Variants in GOT1 observed in about 807,000 individuals in gnomAD.
GOT1 encodes aspartate aminotransferase, cytoplasmic.
A neutral mutation model predicts 48.2 loss-of-function variants in GOT1; 25 were observed. The ratio of observed to expected loss-of-function variants is 0.52; its 90% confidence interval spans 0.38 to 0.72. GOT1 has a LOEUF of 0.72. GOT1 is among the 30% of genes least tolerant of loss of function. The pLI is 0.00. For missense variants in GOT1, 380 were observed against 520.1 expected, an observed-to-expected ratio of 0.73 and a Z score of 2.62; for synonymous variants, 188 against 193.8, an observed-to-expected ratio of 0.97 and a Z score of 0.25.
At position 99,403,706 on chromosome 10, in the gene GOT1, C is replaced by T; in HGVS notation, c.793+18G>A. ...GATGCGAGGAGGTGGGGCTGTAACT[C>T]CTCAGGAGAGCACTCACTGTAGAGC... On this transcript the variant is annotated intron_variant, in intron 6 of 8. Coordinates refer to ENST00000370508, the MANE Select transcript of GOT1 (RefSeq NM_002079.3). 1 of 1,614,144 alleles carries T rather than the reference C, an allele frequency of 6.2e-7. No individual in the cohort carries two copies. Among genetic ancestry groups the T allele is most frequent in the Non-Finnish European group, 8.5e-7 (1 of 1,180,016 alleles).
chr10:99,404,606 G>A (rs988854582), intron 5 of GOT1, among the ~76,000 whole-genome samples: 11 of 152,032 alleles, frequency 7.2e-5, no homozygotes, highest in African/African-American at 2.7e-4. Context: ...CTGGGCTATG[G>A]CAATGGTCTC....
chr10:99,411,684 C>T (rs564210083), intron 2 of GOT1, among the ~76,000 whole-genome samples: 6 of 152,162 alleles, frequency 3.9e-5, no homozygotes, highest in Admixed American at 1.3e-4. Context: ...TTCCTCTCCC[C>T]GAAACTGAAT....
Position 99,420,753 on chromosome 10 carries a change from C to T in GOT1, c.171G>A (p.Val57=), listed in dbSNP as rs766116233. Reference sequence around the variant, plus strand: ...TATTGTCATTAGCAATCTTCTGCTCCACTTTCTTCACTACTGGCAAAACCC... The same window carrying T: ...TATTGTCATTAGCAATCTTCTGCTCTACTTTCTTCACTACTGGCAAAACCC... ...HPWVLPVVKK[V]EQKIANDNSL... is the part of the protein sequence containing the mutation. Residue 57 remains valine, a synonymous_variant, in exon 2 of 9, where the codon GTG becomes GTA. Coordinates refer to ENST00000370508, the MANE Select transcript of GOT1 (RefSeq NM_002079.3). 4.3e-6 allele frequency: 7 copies of T among 1,614,048 alleles called. No individual in the cohort carries two copies. In the East Asian group the frequency reaches 1.6e-4, roughly 36 times the overall value.
chr10:99,403,588 G>A lies in GOT1; in HGVS notation c.840C>T (p.Ser280=). The A allele has an allele frequency of 6.2e-7, 1 of 1,614,056 alleles. No homozygotes were observed. The highest frequency in any genetic ancestry group is 8.5e-7 in the Non-Finnish European group (1 of 1,179,912). ...CCATCTGGGAAAGGACTTGCAGGAT[G>A]CTCTCAGGTTCTTTTCCAACCACAG... ...NLTVVGKEPE[S]ILQVLSQMEK... The change falls in exon 7 of 9, where the codon AGC becomes AGT. Residue 280 remains serine (S), a synonymous_variant. Transcript: ENST00000370508.
At position 99,397,767 on chromosome 10, in the gene GOT1, A is replaced by G; in HGVS notation, c.1103-81T>C. On this transcript the variant is annotated intron_variant, in intron 8 of 8. Transcript: ENST00000370508. This position sits in a 1 kb window ranked among gnomAD's most constrained non-coding sequence, Gnocchi z 5.4. ...GAGGCTCAGCAATTATATGACAATT[A>G]CAGCTTTACTTCTTTCCCCTTAACA... 7.5e-7 allele frequency: 1 copy of G among 1,331,964 alleles called. No homozygotes were observed. The highest frequency in any genetic ancestry group is 1.1e-6 in the Non-Finnish European group (1 of 934,122). The allele number at this position is 1,331,964 out of a possible 1,614,324, so 82.5% of individuals were successfully genotyped here.
chr10:99,413,689 AG>A (rs2032856642), intron 2 of GOT1, among the ~76,000 whole-genome samples: 1 of 152,220 alleles, frequency 6.6e-6, no homozygotes, highest in Non-Finnish European at 1.5e-5. Flanking sequence ...GCAGCCAGAA[AG>A]AAAGGTCGGG....
chr10:99,408,634 AT>A (rs2032791841), intron 2 of GOT1, among the ~76,000 whole-genome samples: 1 of 152,156 alleles, frequency 6.6e-6, no homozygotes, highest in South Asian at 2.1e-4. Flanking sequence ...CGTGAGAATC[AT>A]TTGAACCTGG....
rs575202089 is a variant in GOT1, at chr10:99,401,956, T to C, written c.1102+624A>G. Among the ~76,000 whole-genome samples the C allele has an allele frequency of 2.4e-4, 37 of 151,966 alleles. No homozygotes were observed. In the South Asian group the frequency reaches 7.7e-3, roughly 32 times the overall value. ...CCTAGTAGCTGGGACTACAGGCGCC[T>C]GCCACCACGCCCGGCTAATTTTTTT... is the stretch of plus-strand genomic sequence containing the variant. On this transcript the variant is annotated intron_variant, in intron 8 of 8. Coordinates refer to ENST00000370508, the MANE Select transcript of GOT1 (RefSeq NM_002079.3).
intron 2 of GOT1, among the ~76,000 whole-genome samples, chr10:99,410,124 T>C (rs1280077499): frequency 6.6e-6 from 1 of 152,248 alleles, no homozygotes; most frequent in Non-Finnish European, 1.5e-5. Flanking sequence ...TACTGAGCAC[T>C]CATCCCTTGC....
intron 2 of GOT1, among the ~76,000 whole-genome samples, chr10:99,416,307 TAGAG>T (rs556641967): frequency 0.056 from 8,503 of 152,024 alleles, 343 homozygotes; most frequent in Middle Eastern, 0.1. Flanking sequence ...AACAGACAAA[TAGAG>T]AGCCAAATCA....
At chr10:99,398,184 T>A (rs960307889) in intron 8 of GOT1, among the ~76,000 whole-genome samples, 1 of 152,232 alleles carries the variant, frequency 6.6e-6, no homozygotes, top group East Asian at 1.9e-4. Flanking sequence ...ACCAATGAGC[T>A]GAGAAATGAC....
intron 1 of GOT1, among the ~76,000 whole-genome samples, chr10:99,429,054 T>A (rs1315133146): frequency 7.4e-6 from 1 of 135,950 alleles, no homozygotes; most frequent in African/African-American, 2.9e-5. Context: ...TAGTGAAGAC[T>A]TTTTTTTTTT....
chr10:99,397,603 T>C lies in GOT1; in HGVS notation c.1186A>G (p.Lys396Glu). The change falls in exon 9 of 9, where the codon AAA becomes GAA. Residue 396 changes from lysine (K) to glutamate (E), a missense_variant. By Grantham distance (56) the Lys-to-Glu change is moderately conservative. Coordinates refer to ENST00000370508, the MANE Select transcript of GOT1 (RefSeq NM_002079.3). The surrounding 1 kb of genome is among the most constrained non-coding windows in gnomAD (Gnocchi z 5.4). ...GRINVSGLTT[K>E]NLDYVATSIH... The stretch of plus-strand genomic sequence containing the variant: ...GAGGTGGCCACGTAATCTAGATTTT[T>C]GGTGGTTAAGCCACTCACGTTGATT... 1 of 1,614,180 alleles carries C rather than the reference T, an allele frequency of 6.2e-7. No homozygotes were observed. The highest frequency in any genetic ancestry group is 8.5e-7 in the Non-Finnish European group (1 of 1,180,022).
chr10:99,423,535 G>A (rs186982439), intron 1 of GOT1, among the ~76,000 whole-genome samples: 191 of 152,318 alleles, frequency 1.3e-3, no homozygotes, highest in Admixed American at 3.4e-3. Context: ...TAGAAATGTG[G>A]ACAGGGCTAC....
intron 7 of GOT1, among the ~76,000 whole-genome samples, chr10:99,402,963 T>A (rs536120741): frequency 4.6e-5 from 7 of 152,320 alleles, no homozygotes; most frequent in Middle Eastern, 3.4e-3. Context: ...CTGGCTAGAA[T>A]ACACTCACAT....
chr10:99,406,089 G>T, intron 4 of GOT1, 48 bp downstream of exon 4: 1 of 1,284,262 alleles, frequency 7.8e-7, no homozygotes, highest in African/African-American at 1.5e-5. Context: ...CTTTGCCTGA[G>T]ATTCCTGACA....
intron 8 of GOT1, among the ~76,000 whole-genome samples, chr10:99,400,572 A>T (rs2032660839): frequency 6.6e-6 from 1 of 152,122 alleles, no homozygotes; most frequent in Non-Finnish European, 1.5e-5. Flanking sequence ...AGGGGGCAGA[A>T]GTTGCAGTGG....
At chr10:99,422,829 G>A (rs929596843) in intron 1 of GOT1, among the ~76,000 whole-genome samples, 5 of 152,130 alleles carry the variant, frequency 3.3e-5, no homozygotes, top group African/African-American at 9.7e-5. Flanking sequence ...CATAGAGAGC[G>A]TCCTTGTTCT....
chr10:99,427,966 G>A (rs1183185668), intron 1 of GOT1, among the ~76,000 whole-genome samples: 1 of 152,214 alleles, frequency 6.6e-6, no homozygotes, highest in Non-Finnish European at 1.5e-5. Context: ...TCATGGTAAG[G>A]AGTTGGAGTT....
Sources: gnomAD v4.1 joint callset for allele counts (sites outside exome capture counted in the v4.1 genomes callset) on GRCh38, gnomAD v4.1.1 for gene constraint, Gnocchi (gnomAD v3.1) non-coding constraint, MANE v1.5 for transcripts, NCBI Gene and HGNC (gene_info 2026-07-23, HGNC 2026-07-21) for gene names.